Variants in PBX1 observed in about 807,000 individuals in gnomAD.
PBX1 encodes the protein pre-B-cell leukemia transcription factor 1.
In PBX1, 6 loss-of-function variants were observed where a neutral mutation model predicts 53.4. That is an observed-to-expected ratio of 0.11 (90% CI 0.06 to 0.22). PBX1 has a LOEUF of 0.22. Ranked by LOEUF, PBX1 falls within the 10% of genes least tolerant of loss-of-function variation. PBX1 has a pLI of 1.00. For synonymous variants in PBX1, 204 were observed against 212.3 expected (o/e 0.96, Z 0.34); for missense variants, 251 against 551.4 (o/e 0.46, Z 5.46).
chr1:164,667,993 A>C (rs1660903605), intron 2 of PBX1, among the ~76,000 whole-genome samples: 1 of 152,074 alleles, frequency 6.6e-6, no homozygotes. Flanking sequence ...CTCCCTCCAG[A>C]GTGGGTGGAG....
chr1:164,856,476 A>C (rs916320171), downstream of PBX1, among the ~76,000 whole-genome samples: 6 of 151,742 alleles, frequency 4.0e-5, no homozygotes, highest in East Asian at 1.9e-4. Flanking sequence ...TATATTTTTA[A>C]TTTTTTTTCA....
rs1224964185 is a variant in PBX1, at chr1:164,846,623, G to A, written c.1240G>A (p.Val414Met). 1 of 1,614,074 alleles carries A rather than the reference G, an allele frequency of 6.2e-7. No individual in the cohort carries two copies. Among genetic ancestry groups the A allele is most frequent in the Admixed American group, 1.7e-5 (1 of 60,024 alleles). ...GCAGGATGCTACTACCCCTTCATCAGTGACCTCCCCTACAGAAGGCCCTGG... is the reference window on the plus strand; with the variant it reads ...GCAGGATGCTACTACCCCTTCATCAATGACCTCCCCTACAGAAGGCCCTGG... The part of the protein sequence containing the change: ...GWQDATTPSS[V>M]TSPTEGPGSV... Residue 414 changes from valine to methionine, a missense_variant, in exon 9 of 9, where the codon GTG (valine) becomes ATG (methionine). Transcript: ENST00000420696.
chr1:164,788,326 T>C (rs757685879), intron 2 of PBX1, among the ~76,000 whole-genome samples: 6 of 152,140 alleles, frequency 3.9e-5, no homozygotes, highest in Non-Finnish European at 7.4e-5. Flanking sequence ...CAGCAATAAA[T>C]AGGTAGCATC....
intron 8 of PBX1, among the ~76,000 whole-genome samples, chr1:164,823,067 C>T (rs995681130): frequency 6.6e-6 from 1 of 152,180 alleles, no homozygotes; most frequent in Non-Finnish European, 1.5e-5. Context: ...CTTGAGTTTA[C>T]ACAATATTTA....
chr1:164,817,066 G>A (rs536735264), intron 6 of PBX1: 1 of 152,228 alleles, frequency 6.6e-6, no homozygotes, highest in East Asian at 1.9e-4. Flanking sequence ...CCAAATGTCT[G>A]GGTGGCAGTT....
chr1:164,812,291 A>T lies in PBX1; in HGVS notation c.997+142A>T. ...TATTTGATTGTATTTTTGGATGTTA[A>T]TGTCACTTTGGGCTCTTTCTTTCAT... On this transcript the variant is annotated intron_variant, in intron 6 of 8. Transcript: ENST00000420696. 3 of 820,880 alleles carry T rather than the reference A, an allele frequency of 3.7e-6. No homozygotes were observed. The East Asian group carries it at 8.6e-5, about 23-fold the overall frequency. The allele number at this position is 820,880 out of a possible 1,614,324, so 50.8% of individuals were successfully genotyped here.
At chr1:164,611,601 TTGTC>T (rs1317146005) in intron 2 of PBX1, among the ~76,000 whole-genome samples, 3 of 151,168 alleles carry the variant, frequency 2.0e-5, no homozygotes, top group Non-Finnish European at 4.4e-5. Flanking sequence ...CTCTTTTTGA[TTGTC>T]TGTTTAGAGG....
chr1:164,819,649 T>A (rs1449323571), intron 6 of PBX1: 1 of 158,170 alleles, frequency 6.3e-6, no homozygotes. Flanking sequence ...GTTGAATAGT[T>A]TATGTGCTCT....
intron 2 of PBX1, among the ~76,000 whole-genome samples, chr1:164,875,649 C>G (rs755121193): frequency 6.6e-5 from 10 of 152,058 alleles, no homozygotes; most frequent in Admixed American, 3.9e-4. Context: ...TGGCCAAACC[C>G]TTGAGCCACC....
chr1:164,634,006 C>T (rs73018939), intron 2 of PBX1, among the ~76,000 whole-genome samples: 1,600 of 152,258 alleles, frequency 0.011, 31 homozygotes, highest in African/African-American at 0.037. Flanking sequence ...GTAACAGTCC[C>T]GGGTGGCGTT....
chr1:164,615,328 C>T (rs1657202083), intron 2 of PBX1, among the ~76,000 whole-genome samples: 1 of 152,074 alleles, frequency 6.6e-6, no homozygotes, highest in Non-Finnish European at 1.5e-5. Flanking sequence ...TTCAAATAAC[C>T]ACAAGGAATT....
chr1:164,677,627 G>A (rs553924626), intron 2 of PBX1, among the ~76,000 whole-genome samples: 3 of 152,236 alleles, frequency 2.0e-5, no homozygotes, highest in Admixed American at 1.3e-4. Context: ...GTGGTTTGGG[G>A]TTCATGAAAA....
At chr1:164,719,790 C>T (rs538694461) in intron 2 of PBX1, among the ~76,000 whole-genome samples, 3 of 152,164 alleles carry the variant, frequency 2.0e-5, no homozygotes, top group South Asian at 2.1e-4. Context: ...CTAAAGTGTG[C>T]GTGTGTATAC....
At chr1:164,677,897 A>G (rs184447340) in intron 2 of PBX1, among the ~76,000 whole-genome samples, 1 of 152,260 alleles carries the variant, frequency 6.6e-6, no homozygotes, top group Non-Finnish European at 1.5e-5. Flanking sequence ...TATGGAGAGG[A>G]GGCAAAGGGA....
At position 164,702,189 on chromosome 1, in the gene PBX1, GT is replaced by G. The variant is rs34708967; in HGVS notation, c.266-90295del. On this transcript the variant is annotated intron_variant, in intron 2 of 8. Coordinates refer to ENST00000420696, the MANE Select transcript of PBX1 (RefSeq NM_002585.4). ...AGTATGAGACAATTACCACGATGAG[GT>G]TTTTTTTTTAATGTTCTCCATATAT... Among the ~76,000 whole-genome samples, 11 of 150,054 alleles carry G rather than the reference GT, an allele frequency of 7.3e-5. No homozygotes were observed. The East Asian group carries it at 1.2e-3, about 16-fold the overall frequency.
chr1:164,850,608 A>G lies in PBX1; in HGVS notation c.*3932A>G. 5.2e-6 allele frequency: 1 copy of G among 192,926 alleles called. No homozygotes were observed. The highest frequency in any genetic ancestry group is 1.1e-5 in the Non-Finnish European group (1 of 92,274). 12.0% of individuals were successfully genotyped at this position (192,926 alleles called of 1,614,324 possible). On this transcript the variant is annotated 3_prime_UTR_variant, in exon 9 of 9. Coordinates refer to ENST00000420696, the MANE Select transcript of PBX1 (RefSeq NM_002585.4). ...AAAAGATGACTTGGGCAGAGGAGTA[A>G]GAACAAGTAGGCTTGTTCTTCTACT...
intron 2 of PBX1, among the ~76,000 whole-genome samples, chr1:164,759,216 C>T (rs1666682556): frequency 6.6e-6 from 1 of 152,114 alleles, no homozygotes; most frequent in African/African-American, 2.4e-5. Flanking sequence ...AATCTTTTTG[C>T]AGGTGAGGGT....
At chr1:164,833,388 C>T (rs570556906) in intron 8 of PBX1, among the ~76,000 whole-genome samples, 29 of 152,180 alleles carry the variant, frequency 1.9e-4, no homozygotes, top group African/African-American at 7.0e-4. Context: ...CTTTTTCTCT[C>T]GTCATAGATA....
intron 2 of PBX1, among the ~76,000 whole-genome samples, chr1:164,776,942 G>GGGGAGAGA (rs1667690472): frequency 4.6e-5 from 2 of 43,520 alleles, no homozygotes; most frequent in Non-Finnish European, 8.6e-5. Context: ...TGTGGTGGGA[G>GGGGAGAGA]GAGAGAGAGA....
Sources: allele counts gnomAD v4.1 joint callset (sites outside exome capture counted in the v4.1 genomes callset), GRCh38; gene constraint gnomAD v4.1.1; transcripts MANE v1.5; gene names NCBI Gene and HGNC (gene_info 2026-07-23, HGNC 2026-07-21).